The following GABRA5 variants were observed in gnomAD, a reference collection of about 807,000 sequenced individuals.
The protein encoded by GABRA5 is gamma-aminobutyric acid receptor subunit alpha-5.
GABRA5 carries 18 observed loss-of-function variants against 47.3 expected under a neutral mutation model. That is an observed-to-expected ratio of 0.38 (90% CI 0.26 to 0.56). The LOEUF (loss-of-function observed/expected upper bound fraction) is 0.56, where lower values mean the gene tolerates loss of function less well. GABRA5 is among the 20% of genes least tolerant of loss of function. GABRA5 has a pLI of 0.71. For synonymous variants in GABRA5, 237 were observed against 229.3 expected (o/e 1.03, Z -0.30); for missense variants, 365 against 599.3 (o/e 0.61, Z 4.08).
intron 7 of GABRA5, among the ~76,000 whole-genome samples, chr15:26,934,743 C>T (rs1160553076): frequency 1.3e-5 from 2 of 152,268 alleles, no homozygotes; most frequent in East Asian, 3.9e-4. Context: ...GTGTCAGGCC[C>T]ATGCTGCCTT....
chr15:26,935,075 A>C (rs1894205554), intron 7 of GABRA5, among the ~76,000 whole-genome samples: 1 of 152,164 alleles, frequency 6.6e-6, no homozygotes, highest in African/African-American at 2.4e-5. Context: ...TGAACGCCAC[A>C]CTGCTGACAC....
chr15:26,869,525 C>T (rs1892410704), intron 3 of GABRA5, among the ~76,000 whole-genome samples, 191 bp downstream of exon 3: 1 of 152,162 alleles, frequency 6.6e-6, no homozygotes, highest in Non-Finnish European at 1.5e-5. Flanking sequence ...GGCTGCTCCT[C>T]ACGTGGGGTC....
intron 6 of GABRA5, among the ~76,000 whole-genome samples, chr15:26,910,620 T>C (rs1039816806): frequency 6.6e-6 from 1 of 151,732 alleles, no homozygotes; most frequent in Non-Finnish European, 1.5e-5. Context: ...AAAATCCCAT[T>C]TCCTTATCCT....
At chr15:26,937,735 C>T (rs1469276528) in intron 8 of GABRA5, among the ~76,000 whole-genome samples, 1 of 152,228 alleles carries the variant, frequency 6.6e-6, no homozygotes, top group Non-Finnish European at 1.5e-5. Flanking sequence ...CAGAGAAGAG[C>T]TGAAATGTAC....
chr15:26,931,423 C>T (rs1195359932), intron 7 of GABRA5, among the ~76,000 whole-genome samples: 1 of 152,152 alleles, frequency 6.6e-6, no homozygotes, highest in East Asian at 1.9e-4. Context: ...CTCTCTGAGA[C>T]CTCTTTTATG....
In GABRA5 at chr15:26,880,906, T is replaced by C; in HGVS notation, c.147T>C (p.Phe49=). 5 of 1,614,018 alleles carry C rather than the reference T, an allele frequency of 3.1e-6. No individual in the cohort carries two copies. The highest frequency in any genetic ancestry group is 3.4e-6 in the Non-Finnish European group (4 of 1,179,882). The stretch of plus-strand genomic sequence containing the variant: ...AGACCAATGACAACATCACGATATT[T>C]ACCAGGATCTTGGATGGGCTCTTGG... ...KDETNDNITI[F]TRILDGLLDG... The change falls in exon 4 of 11, where the codon TTT becomes TTC. Residue 49 remains phenylalanine, a synonymous_variant. Transcript: ENST00000335625.
At chr15:26,920,354 C>A (rs539086563) in intron 7 of GABRA5, among the ~76,000 whole-genome samples, 80 of 151,890 alleles carry the variant, frequency 5.3e-4, no homozygotes, top group Middle Eastern at 3.4e-3. Flanking sequence ...TTTTTGAATT[C>A]ATTGATCTTT....
intron 6 of GABRA5, among the ~76,000 whole-genome samples, chr15:26,886,982 A>G (rs1034577291): frequency 6.6e-6 from 1 of 152,222 alleles, no homozygotes; most frequent in Non-Finnish European, 1.5e-5. Context: ...TACTGGTGAA[A>G]TAGGAATCAC....
Position 26,892,433 on chromosome 15 carries a change from T to TG in GABRA5, c.497+8883dup, listed in dbSNP as rs1318052929. 1.4e-4 allele frequency among the ~76,000 whole-genome samples: 21 copies of TG among 151,464 alleles called. 1 individual carries two copies. In the South Asian group the frequency reaches 4.2e-3, roughly 30 times the overall value. Reference sequence around the variant, plus strand: ...AGCCCGCGCCCCGGGGGCCCAGCAGTGGGGGGGCTGCCTTCCCCGGCCGCG... The same window carrying TG: ...AGCCCGCGCCCCGGGGGCCCAGCAGTGGGGGGGGCTGCCTTCCCCGGCCGCG... On this transcript the variant is annotated intron_variant, in intron 6 of 10. Coordinates refer to ENST00000335625, the MANE Select transcript of GABRA5 (RefSeq NM_000810.4).
chr15:26,869,938 T>A (rs553124076), intron 3 of GABRA5, among the ~76,000 whole-genome samples: 36 of 152,372 alleles, frequency 2.4e-4, no homozygotes, highest in African/African-American at 8.4e-4. Flanking sequence ...TAGCCTTTAG[T>A]ATCCGCATAC....
chr15:26,929,034 G>A (rs369365273), intron 7 of GABRA5, among the ~76,000 whole-genome samples: 2 of 146,094 alleles, frequency 1.4e-5, no homozygotes, highest in East Asian at 3.9e-4. Context: ...TGAATTTTGG[G>A]GGGGACACAG....
rs1892774442 is a variant in GABRA5 at position 26,883,087 on chromosome 15, T to C, written c.209-79T>C. The C allele has an allele frequency of 8.6e-7, 1 of 1,158,626 alleles. No individual in the cohort carries two copies. The highest frequency in any genetic ancestry group is 1.5e-5 in the African/African-American group (1 of 66,176). The allele number at this position is 1,158,626 out of a possible 1,614,324, so 71.8% of individuals were successfully genotyped here. A position where few individuals can be genotyped will look rare whatever the true frequency, so the allele number is the denominator to read the frequency against. On this transcript the variant is annotated intron_variant, in intron 4 of 10. Coordinates refer to ENST00000335625, the MANE Select transcript of GABRA5 (RefSeq NM_000810.4). This position sits in a 1 kb window ranked among gnomAD's most constrained non-coding sequence, Gnocchi z 4.8. Reference sequence around the variant, plus strand: ...CCCGGTTGCAGAGGGTGACCCTGGTTACTGGACTGAGAGCACGAGAGTGTG... The same window carrying C: ...CCCGGTTGCAGAGGGTGACCCTGGTCACTGGACTGAGAGCACGAGAGTGTG...
At chr15:26,882,702 A>C (rs796371077) in intron 4 of GABRA5, among the ~76,000 whole-genome samples, 13 of 152,250 alleles carry the variant, frequency 8.5e-5, no homozygotes, top group African/African-American at 2.6e-4. Flanking sequence ...CGTTTCCCGG[A>C]GACCACCCAG....
At position 26,875,027 on chromosome 15, in the gene GABRA5, T is replaced by A. The variant is rs532131721; in HGVS notation, c.86+5693T>A. Among the ~76,000 whole-genome samples the A allele has an allele frequency of 2.2e-4, 33 of 152,234 alleles. 1 individual carries two copies. The South Asian group carries it at 6.3e-3, about 29-fold the overall frequency. On this transcript the variant is annotated intron_variant, in intron 3 of 10. Transcript: ENST00000335625. Reference sequence around the variant, plus strand: ...CACCTGCCTGCAACTCAGTTTCTAATCTCAATGTGGGATTAATCATGGGTC... The same window carrying A: ...CACCTGCCTGCAACTCAGTTTCTAAACTCAATGTGGGATTAATCATGGGTC...
Position 26,874,001 on chromosome 15 carries a change from A to G in GABRA5, c.86+4667A>G, listed in dbSNP as rs528489878. ...TATAAAGGAAACTTTCAGCATGTTC[A>G]GCAGGCACTGAGCAGGCAGGAGAGT... On this transcript the variant is annotated intron_variant, in intron 3 of 10. Transcript: ENST00000335625. Among the ~76,000 whole-genome samples the G allele has an allele frequency of 3.3e-5, 5 of 152,372 alleles. No individual in the cohort carries two copies. In the East Asian group the frequency reaches 9.7e-4, roughly 29 times the overall value.
chr15:26,874,863 C>T (rs540040751), intron 3 of GABRA5, among the ~76,000 whole-genome samples: 1 of 152,358 alleles, frequency 6.6e-6, no homozygotes, highest in South Asian at 2.1e-4. Flanking sequence ...CATCACTGTA[C>T]TGTCAGTTCG....
intron 7 of GABRA5, among the ~76,000 whole-genome samples, chr15:26,929,290 AG>A (rs886855590): frequency 1.8e-4 from 28 of 152,340 alleles, no homozygotes; most frequent in African/African-American, 6.3e-4. Context: ...CCATTCCAAA[AG>A]GAAGAAGTGA....
intron 3 of GABRA5, among the ~76,000 whole-genome samples, chr15:26,874,592 T>C (rs190823498): frequency 2.0e-4 from 30 of 152,316 alleles, no homozygotes; most frequent in African/African-American, 7.0e-4. Context: ...AGAACTCACA[T>C]GTTACCACTA....
chr15:26,924,109 G>A (rs1451804361), intron 7 of GABRA5, among the ~76,000 whole-genome samples: 5 of 146,854 alleles, frequency 3.4e-5, no homozygotes, highest in South Asian at 2.2e-4. Flanking sequence ...TTGGTTTGAC[G>A]AATAATTTTC....
Sources: gnomAD v4.1 joint callset for allele counts (sites outside exome capture counted in the v4.1 genomes callset) on GRCh38, gnomAD v4.1.1 for gene constraint, Gnocchi (gnomAD v3.1) non-coding constraint, MANE v1.5 for transcripts, NCBI Gene and HGNC (gene_info 2026-07-23, HGNC 2026-07-21) for gene names.